The following ACVR1 variants were observed in gnomAD, a reference collection of about 807,000 sequenced individuals.
The protein encoded by ACVR1 is activin receptor type-1.
ACVR1 carries 38 observed loss-of-function variants against 57.1 expected under a neutral mutation model. That is an observed-to-expected ratio of 0.67 (90% confidence interval 0.51 to 0.87). The LOEUF is 0.87. Ranked by LOEUF, ACVR1 falls within the 40% of genes least tolerant of loss-of-function variation. ACVR1 has a pLI of 0.00. For synonymous variants in ACVR1, 212 were observed against 228.1 expected (o/e 0.93, Z 0.63); for missense variants, 463 against 638.2 (o/e 0.73, Z 2.96).
chr2:157,833,931 G>T (rs1312903448), intron 1 of ACVR1, among the ~76,000 whole-genome samples: 1 of 152,102 alleles, frequency 6.6e-6, no homozygotes, highest in Non-Finnish European at 1.5e-5. Flanking sequence ...GTGCACTCAG[G>T]CTTAAGACAA....
intron 4 of ACVR1, among the ~76,000 whole-genome samples, chr2:157,779,351 A>G (rs1255854350): frequency 1.3e-5 from 2 of 152,216 alleles, no homozygotes; most frequent in Non-Finnish European, 2.9e-5. Flanking sequence ...TTTAGTTTTA[A>G]CCATGTAAAT....
chr2:157,805,577 G>A (rs1687489061), intron 2 of ACVR1, among the ~76,000 whole-genome samples: 2 of 152,068 alleles, frequency 1.3e-5, no homozygotes, highest in Admixed American at 6.6e-5. Flanking sequence ...ATAAAAGGCA[G>A]AGGCAATGTG....
In ACVR1 at chr2:157,857,398, GA is replaced by G. The variant is rs1184090040; in HGVS notation, c.-183+18397del. Among the ~76,000 whole-genome samples the G allele has an allele frequency of 2.5e-3, 338 of 137,172 alleles. 1 individual carries two copies. The highest frequency in any genetic ancestry group is 3.8e-3 in the Middle Eastern group (1 of 264). 90.0% of individuals were successfully genotyped at this position (137,172 alleles called of 152,430 possible). A position where few individuals can be genotyped will look rare whatever the true frequency, so the allele number is the denominator to read the frequency against. The stretch of plus-strand genomic sequence containing the variant: ...CCTCAAGGAAATTATAAACTAATTG[GA>G]AAAAAAAAAAAAGAAGAAGATACCC... On this transcript the variant is annotated intron_variant, in intron 1 of 10. Coordinates refer to ENST00000434821, the MANE Select transcript of ACVR1 (RefSeq NM_001111067.4).
At position 157,737,536 on chromosome 2, in the gene ACVR1, A is replaced by G. The variant is rs747858448; in HGVS notation, c.1525T>C (p.Cys509Arg). The change falls in exon 11 of 11, where the codon TGT becomes CGT. Residue 509 changes from cysteine (C) to arginine (R), a missense_variant. By Grantham distance (180) the Cys-to-Arg change is radical. Coordinates refer to ENST00000434821, the MANE Select transcript of ACVR1 (RefSeq NM_001111067.4). ...DNSLDKLKTD[C>R] ...TTCTTGACACTATGAAAATGTCAAC[A>G]GTCAGTTTTCAATTTGTCGAGGGAA... is the stretch of plus-strand genomic sequence containing the variant. 7 of 1,614,094 alleles carry G rather than the reference A, an allele frequency of 4.3e-6. No homozygotes were observed. The East Asian group carries it at 1.6e-4, about 36-fold the overall frequency.
At chr2:157,839,879 GA>G (rs1417264683) in intron 1 of ACVR1, among the ~76,000 whole-genome samples, 1 of 152,188 alleles carries the variant, frequency 6.6e-6, no homozygotes, top group Non-Finnish European at 1.5e-5. Context: ...TCATTCTGCA[GA>G]AACTCTATGC....
At chr2:157,789,860 G>A (rs924273811) in intron 3 of ACVR1, among the ~76,000 whole-genome samples, 3 of 152,206 alleles carry the variant, frequency 2.0e-5, no homozygotes, top group Non-Finnish European at 4.4e-5. Context: ...AGCTGAGGCT[G>A]TATAAACCAT....
chr2:157,829,602 T>C (rs1490459002), intron 1 of ACVR1, among the ~76,000 whole-genome samples: 2 of 152,188 alleles, frequency 1.3e-5, no homozygotes, highest in African/African-American at 2.4e-5. Flanking sequence ...CTCACCCTAA[T>C]TGTATCTTAC....
At chr2:157,789,380 C>T (rs1324031725) in intron 3 of ACVR1, among the ~76,000 whole-genome samples, 1 of 152,196 alleles carries the variant, frequency 6.6e-6, no homozygotes, top group African/African-American at 2.4e-5. Context: ...GTCACGAGGC[C>T]ACTGGCTGGG....
intron 5 of ACVR1, among the ~76,000 whole-genome samples, 175 bp from the exon 6 acceptor site, chr2:157,774,362 T>G (rs1686191676): frequency 6.6e-6 from 1 of 152,132 alleles, no homozygotes; most frequent in Admixed American, 6.5e-5. Context: ...TTTTATTGTT[T>G]TGTATTTTTT....
chr2:157,847,135 T>C (rs960816083), intron 1 of ACVR1, among the ~76,000 whole-genome samples: 12 of 152,162 alleles, frequency 7.9e-5, no homozygotes, highest in African/African-American at 2.9e-4. Flanking sequence ...TTCAAAAAAT[T>C]TTAATACCTA....
chr2:157,876,012 G>A lies in ACVR1; in HGVS notation c.-399C>T, dbSNP rs867932675. On this transcript the variant is annotated 5_prime_UTR_variant, in exon 1 of 11. Coordinates refer to ENST00000434821, the MANE Select transcript of ACVR1 (RefSeq NM_001111067.4). ...CTGCAGCGGAGCGGTGCGTGGGGCC[G>A]GGAGCTTCCCGGCCCTGGGGCCGGC... 22 of 151,380 alleles carry A rather than the reference G, an allele frequency of 1.5e-4. No homozygotes were observed. Among genetic ancestry groups the A allele is most frequent in the Middle Eastern group, 6.7e-3 (2 of 298 alleles). The allele number at this position is 151,380 out of a possible 1,614,324, so 9.4% of individuals were successfully genotyped here.
intron 1 of ACVR1, among the ~76,000 whole-genome samples, chr2:157,826,280 T>C (rs553680778): frequency 2.0e-4 from 31 of 152,334 alleles, no homozygotes; most frequent in African/African-American, 6.7e-4. Flanking sequence ...GAACTCTGTG[T>C]ATTCAATGTG....
At chr2:157,802,776 C>T (rs541165475) in intron 2 of ACVR1, among the ~76,000 whole-genome samples, 1 of 152,332 alleles carries the variant, frequency 6.6e-6, no homozygotes, top group South Asian at 2.1e-4. Context: ...GTATTCATAA[C>T]TGTGTGTGCT....
chr2:157,739,539 G>A (rs924136825), intron 9 of ACVR1, among the ~76,000 whole-genome samples: 2 of 152,118 alleles, frequency 1.3e-5, no homozygotes, highest in Non-Finnish European at 2.9e-5. Context: ...CAAACAATGA[G>A]GTAATAACTT....
chr2:157,849,525 T>C (rs1392359693), intron 1 of ACVR1, among the ~76,000 whole-genome samples: 1 of 152,224 alleles, frequency 6.6e-6, no homozygotes, highest in African/African-American at 2.4e-5. Flanking sequence ...ACAAACATTA[T>C]TGTATAGTAT....
intron 1 of ACVR1, among the ~76,000 whole-genome samples, chr2:157,822,305 G>A (rs1022914682): frequency 6.6e-6 from 1 of 152,180 alleles, no homozygotes; most frequent in African/African-American, 2.4e-5. Context: ...ATGAAATGGG[G>A]TAAATACTCC....
rs192092499 is a variant in ACVR1, at chr2:157,855,484, A to G, written c.-183+20312T>C. Among the ~76,000 whole-genome samples, 88 of 152,012 alleles carry G rather than the reference A, an allele frequency of 5.8e-4. No homozygotes were observed. In the Middle Eastern group the frequency reaches 0.02, roughly 35 times the overall value. ...TGTACTCCAGACTGGGCAACAGTCC[A>G]TGCCAATGTCAATGAACAACTGATG... On this transcript the variant is annotated intron_variant, in intron 1 of 10. Transcript: ENST00000434821.
intron 3 of ACVR1, among the ~76,000 whole-genome samples, chr2:157,798,358 C>A (rs573449865): frequency 3.8e-4 from 58 of 151,946 alleles, no homozygotes; most frequent in Non-Finnish European, 6.9e-4. Flanking sequence ...AGGTAAGAGA[C>A]CACTTATGAC....
chr2:157,836,040 T>C (rs1255709903), intron 1 of ACVR1, among the ~76,000 whole-genome samples: 1 of 152,224 alleles, frequency 6.6e-6, no homozygotes, highest in Non-Finnish European at 1.5e-5. Flanking sequence ...CCAAATCTTT[T>C]AAACATATAA....
Sources: gnomAD v4.1 joint callset for allele counts (sites outside exome capture counted in the v4.1 genomes callset) on GRCh38, gnomAD v4.1.1 for gene constraint, MANE v1.5 for transcripts, NCBI Gene and HGNC (gene_info 2026-07-23, HGNC 2026-07-21) for gene names.